DENND4C: variants seen among roughly 807,000 people sequenced by gnomAD.
DENND4C encodes DENN domain containing 4C.
In DENND4C, 108 loss-of-function variants were observed where a neutral mutation model predicts 203.0. The observed-to-expected ratio is 0.53, with a 90% CI of 0.46 to 0.62. DENND4C has a LOEUF of 0.62. Among genes scored for constraint, DENND4C ranks in the 20% least tolerant of loss-of-function variants. The pLI is 0.00. For missense variants in DENND4C, 2,481 were observed against 2,301.2 expected (o/e 1.08, Z -1.60); for synonymous variants, 871 against 792.4 (o/e 1.10, Z -1.67).
upstream of DENND4C, chr9:19,230,590 G>C (rs1334391685): frequency 1.3e-5 from 2 of 152,072 alleles, no homozygotes; most frequent in Non-Finnish European, 2.9e-5. Context: ...ACTGTCCGAC[G>C]GCTCACAGCG....
intron 1 of DENND4C, among the ~76,000 whole-genome samples, chr9:19,269,052 C>T (rs1831093738): frequency 6.6e-6 from 1 of 152,114 alleles, no homozygotes; most frequent in Non-Finnish European, 1.5e-5. Context: ...TTTGTTAAGG[C>T]CCATAACTCT....
At position 19,246,290 on chromosome 9, in the gene DENND4C, T is replaced by TA. The variant is rs541205924; in HGVS notation, c.-18+15458dup. On this transcript the variant is annotated intron_variant, in intron 1 of 32. Coordinates refer to ENST00000434457, the MANE Select transcript of DENND4C (RefSeq NM_001330640.2). Reference sequence around the variant, plus strand: ...GTGGAGTGTGGCTGGAGAAAACAAATACGCTAGCTCGTCTCACTTTAAATT... The same window carrying TA: ...GTGGAGTGTGGCTGGAGAAAACAAATAACGCTAGCTCGTCTCACTTTAAATT... Among the ~76,000 whole-genome samples, 22 of 152,304 alleles carry TA rather than the reference T, an allele frequency of 1.4e-4. No homozygotes were observed. The South Asian group carries it at 3.3e-3, about 23-fold the overall frequency.
chr9:19,370,034 T>A, intron 31 of DENND4C, 47 bp downstream of exon 31: 2 of 1,600,148 alleles, frequency 1.2e-6, no homozygotes, highest in Non-Finnish European at 8.6e-7. Flanking sequence ...TCATTTCATG[T>A]TTTTAAAAAA....
Position 19,244,601 on chromosome 9 carries a change from G to A in DENND4C, c.-18+13768G>A, listed in dbSNP as rs201971091. On this transcript the variant is annotated intron_variant, in intron 1 of 32. Transcript: ENST00000434457. The stretch of plus-strand genomic sequence containing the variant: ...TAAAAATACAAAAAATTAGCCGGGC[G>A]TGGTTGCACGTGACTGTAGTCTCAG... Among the ~76,000 whole-genome samples, 16 of 152,020 alleles carry A rather than the reference G, an allele frequency of 1.1e-4. 1 individual carries two copies. The East Asian group carries it at 2.0e-3, about 19-fold the overall frequency.
chr9:19,269,384 C>G (rs1831166563), intron 1 of DENND4C, among the ~76,000 whole-genome samples: 1 of 152,168 alleles, frequency 6.6e-6, no homozygotes, highest in Admixed American at 6.5e-5. Context: ...GTCTCGAACT[C>G]CTGACCTCGG....
Position 19,293,253 on chromosome 9 carries a change from T to C in DENND4C, c.801+2377T>C, listed in dbSNP as rs545498307. Among the ~76,000 whole-genome samples the C allele has an allele frequency of 2.0e-5, 3 of 152,342 alleles. No individual in the cohort carries two copies. The South Asian group carries it at 6.2e-4, about 32-fold the overall frequency. On this transcript the variant is annotated intron_variant, in intron 5 of 32. Coordinates refer to ENST00000434457, the MANE Select transcript of DENND4C (RefSeq NM_001330640.2). Reference sequence around the variant, plus strand: ...TGATCTGCTTGGCTTTTTCATTGTTTAGGGGATATCAACATGTAAGCATTG... The same window carrying C: ...TGATCTGCTTGGCTTTTTCATTGTTCAGGGGATATCAACATGTAAGCATTG...
At chr9:19,339,472 T>G (rs1821141118) in intron 20 of DENND4C, among the ~76,000 whole-genome samples, 1 of 152,202 alleles carries the variant, frequency 6.6e-6, no homozygotes. Context: ...TTCCTAGTGT[T>G]TAGGTTATGC....
At chr9:19,356,434 A>AAGG (rs905938689) in intron 26 of DENND4C, among the ~76,000 whole-genome samples, 7 of 152,258 alleles carry the variant, frequency 4.6e-5, no homozygotes, top group Non-Finnish European at 8.8e-5. Context: ...TGTTCCTTGC[A>AAGG]AGGCCCTTCC....
chr9:19,371,727 T>C (rs1283647596), intron 31 of DENND4C, 29 bp from the exon 32 acceptor site: 1 of 1,202,502 alleles, frequency 8.3e-7, no homozygotes, highest in Non-Finnish European at 1.2e-6. Context: ...TATTTGCCCA[T>C]TGACTTTTAA....
chr9:19,301,210 T>A (rs150197929), intron 9 of DENND4C, among the ~76,000 whole-genome samples: 303 of 152,054 alleles, frequency 2.0e-3, no homozygotes, highest in African/African-American at 6.8e-3. Flanking sequence ...GAATGAAGTC[T>A]GATTGTATAG....
rs1834124013 is a variant in DENND4C at position 19,281,905 on chromosome 9, AG to A, written c.306-4863del. ...GTATATCTAAACATAGAAAAGGTAC[AG>A]AAAAATCTGGCATAAAAAATAAGTC... On this transcript the variant is annotated intron_variant, in intron 2 of 32. Transcript: ENST00000434457. 3.3e-5 allele frequency among the ~76,000 whole-genome samples: 5 copies of A among 152,362 alleles called. No individual in the cohort carries two copies. In the East Asian group the frequency reaches 7.7e-4, roughly 23 times the overall value.
Position 19,352,528 on chromosome 9 carries a change from A to G in DENND4C, c.4644A>G (p.Gly1548=). 6.5e-7 allele frequency: 1 copy of G among 1,546,554 alleles called. No homozygotes were observed. ...MSSCSQCRAC[G]ALVYDEEIMA... ...GTTGTTCACAGTGTAGAGCTTGTGG[A>G]GCTTTAGTTTATGATGAAGAAATTA... The change falls in exon 26 of 33, where the codon GGA becomes GGG. Residue 1548 remains glycine (G), a synonymous_variant. Transcript: ENST00000434457.
At chr9:19,309,293 A>G (rs1038903016) in intron 10 of DENND4C, among the ~76,000 whole-genome samples, 5 of 151,972 alleles carry the variant, frequency 3.3e-5, no homozygotes, top group African/African-American at 9.7e-5. Context: ...ATGGTGGTGC[A>G]TGCCTGTAAT....
chr9:19,319,447 T>C (rs1002630192), intron 12 of DENND4C, among the ~76,000 whole-genome samples: 5 of 145,834 alleles, frequency 3.4e-5, no homozygotes, highest in East Asian at 3.9e-4. Flanking sequence ...CATATATATA[T>C]ACATATATAT....
chr9:19,333,444 G>T (rs117930504), intron 17 of DENND4C, among the ~76,000 whole-genome samples: 1 of 152,088 alleles, frequency 6.6e-6, no homozygotes, highest in African/African-American at 2.4e-5. Context: ...CATTGTGTAG[G>T]ATGTTTAGTA....
At chr9:19,369,480 A>G (rs1357177791) in intron 30 of DENND4C, among the ~76,000 whole-genome samples, 1 of 152,110 alleles carries the variant, frequency 6.6e-6, no homozygotes, top group East Asian at 1.9e-4. Context: ...AAACTTTTTA[A>G]ATAATTGGGA....
chr9:19,267,075 G>A (rs1196713475), intron 1 of DENND4C, among the ~76,000 whole-genome samples: 2 of 152,154 alleles, frequency 1.3e-5, no homozygotes, highest in Non-Finnish European at 2.9e-5. Context: ...GGAGAAGAAT[G>A]TGTATATTCT....
At chr9:19,232,035 A>G (rs1820699160) in intron 1 of DENND4C, among the ~76,000 whole-genome samples, 1 of 152,198 alleles carries the variant, frequency 6.6e-6, no homozygotes, top group African/African-American at 2.4e-5. Flanking sequence ...ACGCGATAAG[A>G]GCAATATTAG....
chr9:19,260,920 AAAAG>A (rs1396298043), intron 1 of DENND4C, among the ~76,000 whole-genome samples: 5 of 152,202 alleles, frequency 3.3e-5, no homozygotes, highest in Non-Finnish European at 7.3e-5. Flanking sequence ...TCAAAAAGAA[AAAAG>A]AAAGAGATCT....
Sources: gnomAD v4.1 joint callset for allele counts (sites outside exome capture counted in the v4.1 genomes callset) on GRCh38, gnomAD v4.1.1 for gene constraint, MANE v1.5 for transcripts, NCBI Gene and HGNC (gene_info 2026-07-23, HGNC 2026-07-21) for gene names.